Variants in LARS2 observed in about 807,000 individuals in gnomAD.
LARS2 encodes leucyl-tRNA synthetase 2, mitochondrial, also known as leucine--tRNA ligase, mitochondrial.
Under a neutral mutation model 116.6 loss-of-function variants are expected in LARS2, and 81 were observed. The observed-to-expected ratio is 0.69, with a 90% CI of 0.58 to 0.84. LARS2 has a LOEUF of 0.84. LARS2 is among the 40% of genes least tolerant of loss of function. The pLI is 0.00. For missense variants in LARS2, 968 were observed against 1,114.5 expected (o/e 0.87, Z 1.87); for synonymous variants, 396 against 407.2 (o/e 0.97, Z 0.33).
chr3:45,432,369 G>C (rs1698732203), intron 6 of LARS2, among the ~76,000 whole-genome samples: 1 of 152,090 alleles, frequency 6.6e-6, no homozygotes, highest in South Asian at 2.1e-4. Context: ...AAGTGCACAT[G>C]GGACATTCTC....
chr3:45,535,411 C>T (rs142606996), intron 20 of LARS2, among the ~76,000 whole-genome samples: 3 of 151,466 alleles, frequency 2.0e-5, no homozygotes, highest in Admixed American at 6.6e-5. Context: ...CACCAAACAG[C>T]GAGCTCCTTG....
At position 45,400,336 on chromosome 3, in the gene LARS2, A is replaced by G. The variant is rs1698123763; in HGVS notation, c.326A>G (p.Asp109Gly). ...CATGTGCGTGTCTACACCATCAGCG[A>G]CACCATAGCACGGTTCCAGAAGATG... ...MGHVRVYTIS[D>G]TIARFQKMRG... Residue 109 changes from aspartate to glycine, a missense_variant, in exon 4 of 22, where the codon GAC (aspartate) becomes GGC (glycine). Asp to Gly is a moderately conservative substitution (Grantham distance 94). Coordinates refer to ENST00000645846, the MANE Select transcript of LARS2 (RefSeq NM_015340.4). 1 of 1,612,948 alleles carries G rather than the reference A, an allele frequency of 6.2e-7. No homozygotes were observed. The highest frequency in any genetic ancestry group is 1.7e-5 in the Admixed American group (1 of 59,686).
chr3:45,532,764 C>A (rs1489385761), intron 20 of LARS2, among the ~76,000 whole-genome samples: 1 of 152,096 alleles, frequency 6.6e-6, no homozygotes, highest in Admixed American at 6.5e-5. Context: ...GCCTTAGCCT[C>A]CTGAGCAGCT....
chr3:45,546,147 A>G (rs1449432526), intron 21 of LARS2, among the ~76,000 whole-genome samples: 2 of 152,128 alleles, frequency 1.3e-5, no homozygotes, highest in Non-Finnish European at 2.9e-5. Flanking sequence ...TGATTCACTA[A>G]TAACTGCATG....
intron 3 of LARS2, among the ~76,000 whole-genome samples, chr3:45,399,408 G>A (rs908519822): frequency 6.6e-6 from 1 of 151,976 alleles, no homozygotes; most frequent in East Asian, 1.9e-4. Flanking sequence ...AGCTTCCTTC[G>A]GAAAAACAAA....
chr3:45,458,807 G>T lies in LARS2; in HGVS notation c.671G>T (p.Gly224Val), dbSNP rs941177320. The T allele has an allele frequency of 6.2e-7, 1 of 1,613,572 alleles. No homozygotes were observed. The highest frequency in any genetic ancestry group is 1.3e-5 in the African/African-American group (1 of 75,054). The part of the protein sequence containing the change: ...VLANEQVDEH[G>V]CSWRSGAKVE... The stretch of plus-strand genomic sequence containing the variant: ...GCCAATGAGCAGGTGGATGAACATG[G>T]CTGTTCATGGCGTTCTGGAGCAAAG... Residue 224 changes from glycine (G) to valine (V), a missense_variant, in exon 8 of 22, where the codon GGC becomes GTC. Gly to Val is a moderately radical substitution (Grantham distance 109, BLOSUM62 -3). Transcript: ENST00000645846.
At chr3:45,496,674 C>T (rs1243434187) in intron 14 of LARS2, among the ~76,000 whole-genome samples, 2 of 152,220 alleles carry the variant, frequency 1.3e-5, no homozygotes, top group Non-Finnish European at 2.9e-5. Flanking sequence ...CCATTAGAGT[C>T]TTACAGTCAG....
chr3:45,544,022 C>T (rs1179582811), intron 21 of LARS2, among the ~76,000 whole-genome samples: 1 of 152,166 alleles, frequency 6.6e-6, no homozygotes, highest in Non-Finnish European at 1.5e-5. Context: ...GCAGGTACAC[C>T]CAGCTTGAGA....
chr3:45,462,302 G>T (rs1325278595), intron 8 of LARS2, among the ~76,000 whole-genome samples: 4 of 152,090 alleles, frequency 2.6e-5, no homozygotes, highest in Admixed American at 1.3e-4. Context: ...GAAGAAAAGG[G>T]CTGGGTACCG....
chr3:45,407,032 T>C (rs866015500), intron 4 of LARS2, among the ~76,000 whole-genome samples: 16 of 152,284 alleles, frequency 1.1e-4, no homozygotes, highest in Middle Eastern at 3.4e-3. Flanking sequence ...CAAGTCCCCC[T>C]CACAGAGTTG....
At position 45,415,893 on chromosome 3, in the gene LARS2, GGAGAGA is replaced by G. The variant is rs71095034; in HGVS notation, c.364-1563_364-1558del. Among the ~76,000 whole-genome samples the G allele has an allele frequency of 7.9e-4, 55 of 69,852 alleles. 1 individual carries two copies. The highest frequency in any genetic ancestry group is 3.0e-3 in the African/African-American group (32 of 10,524). 45.8% of individuals were successfully genotyped at this position (69,852 alleles called of 152,430 possible). ...TATATATATAGAGAGAGAGAGAGAG[GGAGAGA>G]GAGAGAGAGAGAGAGAGAGAGAGAG... On this transcript the variant is annotated intron_variant, in intron 4 of 21. Coordinates refer to ENST00000645846, the MANE Select transcript of LARS2 (RefSeq NM_015340.4).
intron 7 of LARS2, among the ~76,000 whole-genome samples, chr3:45,454,321 C>A (rs371351541): frequency 4.6e-5 from 7 of 152,158 alleles, no homozygotes; most frequent in Non-Finnish European, 1.0e-4. Flanking sequence ...AACATGGCTC[C>A]TTTGTGTTTG....
At chr3:45,408,915 G>C (rs1348297495) in intron 4 of LARS2, among the ~76,000 whole-genome samples, 2 of 152,098 alleles carry the variant, frequency 1.3e-5, no homozygotes, top group African/African-American at 4.8e-5. Context: ...ATAGCTACTG[G>C]TACTTTTTCT....
At chr3:45,417,410 T>G in intron 4 of LARS2, 72 bp from the exon 5 acceptor site, 1 of 1,150,074 alleles carries the variant, frequency 8.7e-7, no homozygotes, top group Non-Finnish European at 1.3e-6. Flanking sequence ...AGTGCTGAGT[T>G]TGCCCCAGAA....
chr3:45,394,227 G>A (rs1305241977), intron 2 of LARS2, among the ~76,000 whole-genome samples: 1 of 152,234 alleles, frequency 6.6e-6, no homozygotes, highest in Non-Finnish European at 1.5e-5. Context: ...CATCTTTGAT[G>A]TTAGGGGTTA....
Position 45,394,424 on chromosome 3 carries a change from C to G in LARS2, c.-21-9C>G, listed in dbSNP as rs768447211. On this transcript the variant is annotated splice_polypyrimidine_tract_variant and intron_variant, in intron 2 of 21. Coordinates refer to ENST00000645846, the MANE Select transcript of LARS2 (RefSeq NM_015340.4). ...CAGCTCATAGTGTGCTTTCTGCCCT[C>G]TTTTTCAGGGCCTTCTCACCTTCTG... The G allele has an allele frequency of 6.4e-7, 1 of 1,563,160 alleles. No individual in the cohort carries two copies. Among genetic ancestry groups the G allele is most frequent in the Admixed American group, 1.7e-5 (1 of 59,632 alleles).
chr3:45,532,289 CAT>C (rs1207326469), intron 20 of LARS2, among the ~76,000 whole-genome samples: 1 of 152,146 alleles, frequency 6.6e-6, no homozygotes, highest in African/African-American at 2.4e-5. Flanking sequence ...TATCAGCACT[CAT>C]ATTAGGAATG....
chr3:45,534,959 T>C (rs1213574201), intron 20 of LARS2, among the ~76,000 whole-genome samples: 1 of 152,146 alleles, frequency 6.6e-6, no homozygotes, highest in Non-Finnish European at 1.5e-5. Context: ...TAGATGAGGG[T>C]GGTAGCTGCT....
Position 45,451,100 on chromosome 3 carries a change from A to G in LARS2, c.606+4120A>G, listed in dbSNP as rs552800731. On this transcript the variant is annotated intron_variant, in intron 7 of 21. Transcript: ENST00000645846. The stretch of plus-strand genomic sequence containing the variant: ...GGATTCCTTATATATTCTGGTTATT[A>G]ATCCCTTGTCAGATGAATAATTTGC... Among the ~76,000 whole-genome samples the G allele has an allele frequency of 2.0e-5, 3 of 152,186 alleles. No homozygotes were observed. In the South Asian group the frequency reaches 6.2e-4, roughly 32 times the overall value.
Sources: gnomAD v4.1 joint callset for allele counts (sites outside exome capture counted in the v4.1 genomes callset) on GRCh38, gnomAD v4.1.1 for gene constraint, MANE v1.5 for transcripts, NCBI Gene and HGNC (gene_info 2026-07-23, HGNC 2026-07-21) for gene names.